Variants in PLCG2 observed in about 807,000 individuals in gnomAD.
PLCG2 encodes the protein phospholipase C gamma 2.
A neutral mutation model predicts 175.6 loss-of-function variants in PLCG2; 69 were observed. The ratio of observed to expected loss-of-function variants is 0.39; its 90% confidence interval spans 0.32 to 0.48. PLCG2 has a LOEUF of 0.48. Ranked by LOEUF, PLCG2 falls within the 20% of genes least tolerant of loss-of-function variation. The pLI is 0.91. For missense variants in PLCG2, 1,798 were observed against 1,650.9 expected, an observed-to-expected ratio of 1.09 and a Z score of -1.54; for synonymous variants, 827 against 624.0, an observed-to-expected ratio of 1.33 and a Z score of -4.85.
At chr16:81,925,338 C>A (rs902899574) in intron 22 of PLCG2, among the ~76,000 whole-genome samples, 2 of 152,114 alleles carry the variant, frequency 1.3e-5, no homozygotes. Context: ...TTGTCTGAAC[C>A]AAGATGCTCC....
chr16:81,756,047 A>C (rs1175931750), intron 2 of PLCG2: 1 of 153,834 alleles, frequency 6.5e-6, no homozygotes, highest in African/African-American at 2.4e-5. Context: ...GCCTGTTTCC[A>C]TGGAGAACAG....
intron 14 of PLCG2, among the ~76,000 whole-genome samples, chr16:81,901,918 C>G (rs542427127): frequency 1.3e-5 from 2 of 152,310 alleles, no homozygotes; most frequent in Admixed American, 1.3e-4. Flanking sequence ...CATTATTATT[C>G]TGAGAAAAGG....
chr16:81,830,029 T>C (rs997958511), intron 2 of PLCG2, among the ~76,000 whole-genome samples: 2 of 151,924 alleles, frequency 1.3e-5, no homozygotes, highest in African/African-American at 4.8e-5. Flanking sequence ...AGATTAAATA[T>C]ATAATAGTGG....
rs564925880 is a variant in PLCG2 at position 81,906,991 on chromosome 16, T to C, written c.1468-694T>C. The stretch of plus-strand genomic sequence containing the variant: ...AGGCGGAGGTTTCAGTGAGCTGAGA[T>C]TGAGCCACTGCACTCCAGCCTGGTG... On this transcript the variant is annotated intron_variant, in intron 15 of 32. Coordinates refer to ENST00000564138, the MANE Select transcript of PLCG2 (RefSeq NM_002661.5). Among the ~76,000 whole-genome samples, 8 of 147,256 alleles carry C rather than the reference T, an allele frequency of 5.4e-5. No individual in the cohort carries two copies. The South Asian group carries it at 1.7e-3, about 31-fold the overall frequency.
intron 25 of PLCG2, among the ~76,000 whole-genome samples, chr16:81,933,297 C>T (rs932492931): frequency 1.3e-5 from 2 of 152,146 alleles, no homozygotes; most frequent in Non-Finnish European, 2.9e-5. Context: ...ACCCCTTTTG[C>T]GGAGCTGGTG....
At chr16:81,767,978 C>T (rs915101365) in intron 2 of PLCG2, 2 of 152,212 alleles carry the variant, frequency 1.3e-5, no homozygotes, top group African/African-American at 4.8e-5. Context: ...CAACCTCTAC[C>T]TCCAGGGTTC....
chr16:81,773,816 A>G (rs765171819), intron 2 of PLCG2, among the ~76,000 whole-genome samples: 1 of 152,122 alleles, frequency 6.6e-6, no homozygotes, highest in Non-Finnish European at 1.5e-5. Flanking sequence ...TGCTGTGCAG[A>G]GCTACAGAGA....
intron 22 of PLCG2, among the ~76,000 whole-genome samples, 190 bp from the exon 23 acceptor site, chr16:81,926,892 A>T (rs6564938): frequency 6.6e-5 from 10 of 152,080 alleles, no homozygotes; most frequent in Admixed American, 4.6e-4. Flanking sequence ...GTAACTCATT[A>T]GTAATTAAAA....
chr16:81,849,843 G>T (rs1906318080), intron 2 of PLCG2, among the ~76,000 whole-genome samples: 1 of 148,288 alleles, frequency 6.7e-6, no homozygotes, highest in African/African-American at 2.5e-5. Context: ...AAAGAGAATT[G>T]TTAGACTAGA....
At chr16:81,839,643 T>C (rs1905716358) in intron 2 of PLCG2, among the ~76,000 whole-genome samples, 2 of 152,232 alleles carry the variant, frequency 1.3e-5, no homozygotes. Context: ...GGTATGTATT[T>C]TTTCAATATA....
chr16:81,888,802 C>G (rs1353056907), intron 9 of PLCG2, among the ~76,000 whole-genome samples: 1 of 152,192 alleles, frequency 6.6e-6, no homozygotes, highest in East Asian at 1.9e-4. Context: ...AAACCATGAC[C>G]TATGGACCAA....
intron 2 of PLCG2, among the ~76,000 whole-genome samples, chr16:81,804,225 C>T (rs867734722): frequency 3.2e-4 from 49 of 152,330 alleles, no homozygotes; most frequent in African/African-American, 1.0e-3. Flanking sequence ...TAGTATCTGT[C>T]TTTTTGGTTA....
intron 2 of PLCG2, among the ~76,000 whole-genome samples, chr16:81,760,708 C>G (rs946453296): frequency 2.1e-5 from 3 of 145,080 alleles, no homozygotes; most frequent in African/African-American, 7.7e-5. Context: ...GGCAGGAGTT[C>G]AAGAGCAGCC....
chr16:81,912,049 A>G (rs979580186), intron 18 of PLCG2, among the ~76,000 whole-genome samples: 15 of 152,032 alleles, frequency 9.9e-5, no homozygotes, highest in African/African-American at 3.6e-4. Context: ...CACCCGCCTC[A>G]ACCTCCCAAA....
rs1045842678 is a variant in PLCG2, at chr16:81,894,728, C to A, written c.1072+934C>A. Among the ~76,000 whole-genome samples the A allele has an allele frequency of 3.3e-5, 5 of 152,054 alleles. No individual in the cohort carries two copies. The East Asian group carries it at 7.7e-4, about 23-fold the overall frequency. ...TCTCTACTAAAAATACAGAAATTAG[C>A]CAGGCGTGGTGGTGCACATCTGTAA... On this transcript the variant is annotated intron_variant, in intron 12 of 32. Coordinates refer to ENST00000564138, the MANE Select transcript of PLCG2 (RefSeq NM_002661.5).
intron 31 of PLCG2, among the ~76,000 whole-genome samples, chr16:81,953,752 G>A (rs918229262): frequency 6.6e-6 from 1 of 152,034 alleles, no homozygotes; most frequent in Admixed American, 6.6e-5. Context: ...TATCTTTTAC[G>A]TTCTTTTCTG....
chr16:81,941,932 C>CTACTT (rs1189284423), intron 30 of PLCG2, among the ~76,000 whole-genome samples: 1 of 152,124 alleles, frequency 6.6e-6, no homozygotes, highest in African/African-American at 2.4e-5. Context: ...GGCCTATAAA[C>CTACTT]TACTTTAAAC....
intron 29 of PLCG2, 59 bp downstream of exon 29, chr16:81,938,974 G>A (rs1200751244): frequency 2.1e-6 from 2 of 960,384 alleles, no homozygotes; most frequent in Non-Finnish European, 3.3e-6. Flanking sequence ...ATCCTTTGTG[G>A]GAGTGCTCTT....
rs781049931 is a variant in PLCG2 at position 81,929,414 on chromosome 16, G to A, written c.2581+790G>A. Among the ~76,000 whole-genome samples the A allele has an allele frequency of 5.3e-5, 8 of 152,168 alleles. No individual in the cohort carries two copies. In the South Asian group the frequency reaches 8.3e-4, roughly 16 times the overall value. ...CATTCATTTATTATTATTTCTTTTC[G>A]CGATAGAGTCTCGCTGTGTCACCCA... On this transcript the variant is annotated intron_variant, in intron 24 of 32. Coordinates refer to ENST00000564138, the MANE Select transcript of PLCG2 (RefSeq NM_002661.5).
Sources: gnomAD v4.1 joint callset for allele counts (sites outside exome capture counted in the v4.1 genomes callset) on GRCh38, gnomAD v4.1.1 for gene constraint, MANE v1.5 for transcripts, NCBI Gene and HGNC (gene_info 2026-07-23, HGNC 2026-07-21) for gene names.